Variants in PSMD1 observed in about 807,000 individuals in gnomAD.
The protein encoded by PSMD1 is 26S proteasome non-ATPase regulatory subunit 1.
A neutral mutation model predicts 119.0 loss-of-function variants in PSMD1; 18 were observed. The ratio of observed to expected loss-of-function variants is 0.15; its 90% confidence interval spans 0.10 to 0.22. The LOEUF (loss-of-function observed/expected upper bound fraction) is 0.22. Among genes scored for constraint, PSMD1 ranks in the 10% least tolerant of loss-of-function variants. The probability of loss-of-function intolerance (pLI) is 1.00; values close to 1 mark genes in which losing one functional copy is unlikely to be tolerated. For synonymous variants in PSMD1, 374 were observed against 396.6 expected (o/e 0.94, Z 0.68); for missense variants, 702 against 1,158.5 (o/e 0.61, Z 5.72).
intron 1 of PSMD1, among the ~76,000 whole-genome samples, chr2:231,060,570 C>G (rs1693731643): frequency 1.3e-5 from 2 of 152,086 alleles, no homozygotes; most frequent in Admixed American, 6.5e-5. Flanking sequence ...ACAATTATTC[C>G]TTTTACTCTC....
chr2:231,092,245 T>C (rs1298744284), intron 16 of PSMD1, among the ~76,000 whole-genome samples: 1 of 152,098 alleles, frequency 6.6e-6, no homozygotes, highest in Non-Finnish European at 1.5e-5. Flanking sequence ...CTTCAGATTG[T>C]CTCCTTAATA....
intron 19 of PSMD1, among the ~76,000 whole-genome samples, chr2:231,160,031 T>G (rs1003477424): frequency 8.5e-5 from 13 of 152,198 alleles, no homozygotes; most frequent in African/African-American, 3.1e-4. Context: ...GCAGCCAGGT[T>G]CCTAACAGGC....
chr2:231,153,468 C>A, intron 18 of PSMD1, 96 bp from the exon 19 acceptor site: 1 of 901,672 alleles, frequency 1.1e-6, no homozygotes, highest in Non-Finnish European at 1.8e-6. Flanking sequence ...AAACTCAGAA[C>A]TAACTCATTA....
chr2:231,083,626 A>G lies in PSMD1; in HGVS notation c.1585A>G (p.Ile529Val), dbSNP rs774014766. Residue 529 changes from isoleucine to valine, a missense_variant, in exon 14 of 25, where the codon ATT becomes GTT. Ile to Val is a conservative substitution (Grantham distance 29). This residue lies in a region of PSMD1 where 272 missense variants were observed against 511.6 expected (regional missense o/e 0.53). Transcript: ENST00000308696. ...GTTGGGCTCTAAAAATGCTCAGGCT[A>G]TTGAGGACATGGTTGGTTATGCACA... ...VMLGSKNAQA[I>V]EDMVGYAQET... 5.7e-5 allele frequency: 92 copies of G among 1,614,062 alleles called. No homozygotes were observed. Among genetic ancestry groups the G allele is most frequent in the Non-Finnish European group, 7.6e-5 (90 of 1,180,038 alleles).
rs139479130 is a variant in PSMD1 at position 231,118,729 on chromosome 2, A to G, written c.1884-20007A>G. Among the ~76,000 whole-genome samples the G allele has an allele frequency of 5.5e-3, 840 of 152,306 alleles. 7 individuals are homozygous for G. The highest frequency in any genetic ancestry group is 9.0e-3 in the Non-Finnish European group (613 of 68,010). On this transcript the variant is annotated intron_variant, in intron 16 of 24. Transcript: ENST00000308696. ...TTTTTAGTTTGGGAAGTCAGGTTACACTATTTGTCCGGAAAATAATTAGCA... is the reference window on the plus strand; with the variant it reads ...TTTTTAGTTTGGGAAGTCAGGTTACGCTATTTGTCCGGAAAATAATTAGCA...
At chr2:231,106,636 T>A (rs904549298) in intron 16 of PSMD1, among the ~76,000 whole-genome samples, 6 of 151,884 alleles carry the variant, frequency 4.0e-5, no homozygotes, top group African/African-American at 1.2e-4. Context: ...AAAAAAAAAA[T>A]TGTAAGCAAG....
intron 18 of PSMD1, among the ~76,000 whole-genome samples, chr2:231,146,776 T>C (rs1219600898): frequency 1.3e-5 from 2 of 152,258 alleles, no homozygotes; most frequent in African/African-American, 4.8e-5. Context: ...CTGCAGTCAC[T>C]TTGTATCGTA....
chr2:231,085,081 C>T lies in PSMD1; in HGVS notation c.1785C>T (p.Asn595=), dbSNP rs778346091. The T allele has an allele frequency of 6.2e-7, 1 of 1,614,022 alleles. No homozygotes were observed. The highest frequency in any genetic ancestry group is 8.5e-7 in the Non-Finnish European group (1 of 1,179,898). Reference sequence around the variant, plus strand: ...CCATGGCTTATTGTGGCTCTGGTAACAACAAAGCAATTCGACGCCTGCTAC... The same window carrying T: ...CCATGGCTTATTGTGGCTCTGGTAATAACAAAGCAATTCGACGCCTGCTAC... ...TVAMAYCGSG[N]NKAIRRLLHV... is the part of the protein sequence containing the mutation. The change falls in exon 15 of 25, where the codon AAC becomes AAT. Residue 595 remains asparagine (N), a synonymous_variant. Coordinates refer to ENST00000308696, the MANE Select transcript of PSMD1 (RefSeq NM_002807.4).
At chr2:231,119,342 G>A (rs969976366) in intron 16 of PSMD1, among the ~76,000 whole-genome samples, 2 of 152,132 alleles carry the variant, frequency 1.3e-5, no homozygotes, top group Non-Finnish European at 2.9e-5. Context: ...TACTCTACCA[G>A]TTACTATTAG....
chr2:231,126,622 T>TA (rs1467874966), intron 16 of PSMD1, among the ~76,000 whole-genome samples: 1 of 152,136 alleles, frequency 6.6e-6, no homozygotes, highest in Non-Finnish European at 1.5e-5. Context: ...CCTTTATTGA[T>TA]TTGTTTATAG....
chr2:231,061,421 G>A, intron 2 of PSMD1, 111 bp downstream of exon 2: 2 of 892,022 alleles, frequency 2.2e-6, no homozygotes, highest in Non-Finnish European at 3.3e-6. Flanking sequence ...TAGCTGGCTT[G>A]TACCCAGTTA....
chr2:231,060,583 A>G (rs1693732522), intron 1 of PSMD1, among the ~76,000 whole-genome samples: 1 of 152,180 alleles, frequency 6.6e-6, no homozygotes, highest in Non-Finnish European at 1.5e-5. Context: ...TTACTCTCCT[A>G]TGTTAGTGGT....
intron 16 of PSMD1, among the ~76,000 whole-genome samples, chr2:231,088,133 C>T (rs998389632): frequency 1.3e-5 from 2 of 152,052 alleles, no homozygotes; most frequent in African/African-American, 2.4e-5. Flanking sequence ...ATGTTTTTGA[C>T]AAGTGAATTA....
chr2:231,105,831 A>G (rs1694961252), intron 16 of PSMD1, among the ~76,000 whole-genome samples: 1 of 152,040 alleles, frequency 6.6e-6, no homozygotes. Context: ...TCATCTTTAC[A>G]TCTCCATTCA....
rs1230996183 is a variant in PSMD1 at position 231,157,966 on chromosome 2, T to C, written c.2219-3374T>C. Among the ~76,000 whole-genome samples, 7 of 152,150 alleles carry C rather than the reference T, an allele frequency of 4.6e-5. 1 individual carries two copies. The highest frequency in any genetic ancestry group is 1.7e-4 in the African/African-American group (7 of 41,420). On this transcript the variant is annotated intron_variant, in intron 19 of 24. Coordinates refer to ENST00000308696, the MANE Select transcript of PSMD1 (RefSeq NM_002807.4). ...AATATCCTATCCTCGTAGAACACTGTGCTGCAACTGCGTTAGAAAAATTTG... is the reference window on the plus strand; with the variant it reads ...AATATCCTATCCTCGTAGAACACTGCGCTGCAACTGCGTTAGAAAAATTTG...
chr2:231,068,260 C>T (rs1352545551), intron 5 of PSMD1, among the ~76,000 whole-genome samples: 1 of 152,072 alleles, frequency 6.6e-6, no homozygotes. Context: ...TGTTTAGCGT[C>T]GATAATACGA....
chr2:231,076,107 CCTTA>C (rs1290835522), intron 8 of PSMD1, among the ~76,000 whole-genome samples: 1 of 152,058 alleles, frequency 6.6e-6, no homozygotes, highest in Non-Finnish European at 1.5e-5. Flanking sequence ...ATCCTTAGAT[CCTTA>C]CTTCAGGCAG....
chr2:231,170,921 T>C lies in PSMD1; in HGVS notation c.*9+200T>C, dbSNP rs1696897952. On this transcript the variant is annotated intron_variant, in intron 24 of 24. Coordinates refer to ENST00000308696, the MANE Select transcript of PSMD1 (RefSeq NM_002807.4). This position sits in a 1 kb window ranked among gnomAD's most constrained non-coding sequence, Gnocchi z 4.1. ...TTTTTCTTTCCTCTTTGACTCGTAC[T>C]CTACTCACGTTATTCAAAGTGGCTG... is the stretch of plus-strand genomic sequence containing the variant. 6.6e-6 allele frequency among the ~76,000 whole-genome samples: 1 copy of C among 152,242 alleles called. No homozygotes were observed. The highest frequency in any genetic ancestry group is 2.1e-4 in the South Asian group (1 of 4,830).
chr2:231,108,011 C>T (rs1695017629), intron 16 of PSMD1, among the ~76,000 whole-genome samples: 1 of 152,234 alleles, frequency 6.6e-6, no homozygotes, highest in Admixed American at 6.5e-5. Context: ...ATTATGACTG[C>T]ATTCAACTAA....
Sources: gnomAD v4.1 joint callset for allele counts (sites outside exome capture counted in the v4.1 genomes callset) on GRCh38, gnomAD v4.1.1 for gene constraint, gnomAD v4.1.1 regional missense constraint, Gnocchi (gnomAD v3.1) non-coding constraint, MANE v1.5 for transcripts, NCBI Gene and HGNC (gene_info 2026-07-23, HGNC 2026-07-21) for gene names.